The following LUC7L2 variants were observed in gnomAD, a reference collection of about 807,000 sequenced individuals.
The protein encoded by LUC7L2 is LUC7 like 2, pre-mRNA splicing factor, also known as putative RNA-binding protein Luc7-like 2.
A neutral mutation model predicts 52.8 loss-of-function variants in LUC7L2; 25 were observed. The observed-to-expected ratio is 0.47, with a 90% CI of 0.34 to 0.66. The LOEUF is 0.66. Ranked by LOEUF, LUC7L2 falls within the 30% of genes least tolerant of loss-of-function variation. LUC7L2 has a pLI of 0.01. For synonymous variants in LUC7L2, 144 were observed against 160.9 expected (o/e 0.89, Z 0.80); for missense variants, 328 against 497.8 (o/e 0.66, Z 3.25).
chr7:139,401,754 CTTT>C (rs58559406), intron 3 of LUC7L2, among the ~76,000 whole-genome samples: 18 of 135,914 alleles, frequency 1.3e-4, no homozygotes, highest in Admixed American at 1.5e-4. Context: ...CGCCCAGCTT[CTTT>C]TTTTTTTTTT....
chr7:139,382,342 G>A (rs181321214), intron 2 of LUC7L2, among the ~76,000 whole-genome samples: 5 of 152,110 alleles, frequency 3.3e-5, no homozygotes, highest in Admixed American at 2.0e-4. Flanking sequence ...TGATATTGTC[G>A]TAGTCAATAT....
intron 1 of LUC7L2, among the ~76,000 whole-genome samples, chr7:139,371,960 G>A (rs1166356673): frequency 6.6e-6 from 1 of 152,178 alleles, no homozygotes; most frequent in Non-Finnish European, 1.5e-5. Flanking sequence ...TCATGAAGGT[G>A]TTGAACAAAA....
At chr7:139,369,376 C>T (rs1253291193) in intron 1 of LUC7L2, among the ~76,000 whole-genome samples, 1 of 152,138 alleles carries the variant, frequency 6.6e-6, no homozygotes, top group Non-Finnish European at 1.5e-5. Flanking sequence ...TCTGATGTCT[C>T]TTGTAAATTT....
At chr7:139,402,367 A>G (rs1794951398) in intron 4 of LUC7L2, 120 bp downstream of exon 4, 1 of 1,000,122 alleles carries the variant, frequency 1.0e-6, no homozygotes, top group Non-Finnish European at 1.4e-6. Flanking sequence ...GGAATTCTGT[A>G]TACTTTCTTG....
chr7:139,367,785 C>A (rs1260391402), intron 1 of LUC7L2, among the ~76,000 whole-genome samples: 1 of 152,172 alleles, frequency 6.6e-6, no homozygotes, highest in Non-Finnish European at 1.5e-5. Flanking sequence ...GATGAAATTA[C>A]CTCATTTAGC....
upstream of LUC7L2, among the ~76,000 whole-genome samples, chr7:139,358,799 C>G (rs981854623): frequency 6.6e-6 from 1 of 152,144 alleles, no homozygotes; most frequent in Admixed American, 6.5e-5. Context: ...ATTCTCCTGC[C>G]TCAGCCTCCC....
intron 1 of LUC7L2, chr7:139,375,634 A>G: frequency 1.0e-6 from 1 of 981,942 alleles, no homozygotes; most frequent in Non-Finnish European, 1.2e-6. Context: ...TACTGTAAAT[A>G]AAAATATATC....
At chr7:139,419,753 C>A (rs1230109170) in intron 9 of LUC7L2, among the ~76,000 whole-genome samples, 1 of 152,152 alleles carries the variant, frequency 6.6e-6, no homozygotes, top group Non-Finnish European at 1.5e-5. Context: ...ATACATGATA[C>A]ATGATCATAT....
At chr7:139,370,085 T>C (rs1321601526) in intron 1 of LUC7L2, among the ~76,000 whole-genome samples, 2 of 152,216 alleles carry the variant, frequency 1.3e-5, no homozygotes, top group Admixed American at 1.3e-4. Flanking sequence ...TTTACATAGA[T>C]CAAGACATAT....
chr7:139,379,057 A>C (rs575902797), intron 2 of LUC7L2, among the ~76,000 whole-genome samples: 131 of 152,302 alleles, frequency 8.6e-4, no homozygotes, highest in Non-Finnish European at 1.8e-3. Flanking sequence ...GGGTTTCACC[A>C]TGTTGGTCGG....
Position 139,360,184 on chromosome 7 carries a change from T to A in LUC7L2, c.-78T>A. 3 of 1,068,578 alleles carry A rather than the reference T, an allele frequency of 2.8e-6. No individual in the cohort carries two copies. The highest frequency in any genetic ancestry group is 4.1e-6 in the Non-Finnish European group (3 of 738,442). 66.2% of individuals were successfully genotyped at this position (1,068,578 alleles called of 1,614,324 possible). A position where few individuals can be genotyped will look rare whatever the true frequency, so the allele number is the denominator to read the frequency against. On this transcript the variant is annotated 5_prime_UTR_variant, in exon 1 of 10. Coordinates refer to ENST00000354926, the MANE Select transcript of LUC7L2 (RefSeq NM_016019.5). ...CGAGACAGCAGCGCACCTTCCCCCA[T>A]CCCTTCCCCTTATCCCCCAGCCCAA...
intron 8 of LUC7L2, among the ~76,000 whole-genome samples, chr7:139,414,722 ATC>A (rs2116312824): frequency 6.6e-6 from 1 of 152,208 alleles, no homozygotes; most frequent in East Asian, 1.9e-4. Context: ...GGGACTTTGC[ATC>A]TGTGTTCCCT....
At chr7:139,360,470 A>G in intron 1 of LUC7L2, 148 bp downstream of exon 1, 1 of 683,914 alleles carries the variant, frequency 1.5e-6, no homozygotes, top group Non-Finnish European at 2.4e-6. Context: ...CGTCCCATCC[A>G]ATCAGGGCTC....
chr7:139,351,963 G>C (rs930265716), intron 1 of LUC7L2, among the ~76,000 whole-genome samples: 2 of 152,156 alleles, frequency 1.3e-5, no homozygotes, highest in Non-Finnish European at 2.9e-5. Context: ...GGGAGGCCTG[G>C]ATGGGAGGAC....
At chr7:139,393,088 G>A (rs1289181692) in intron 2 of LUC7L2, among the ~76,000 whole-genome samples, 1 of 151,962 alleles carries the variant, frequency 6.6e-6, no homozygotes, top group East Asian at 1.9e-4. Flanking sequence ...CCAACATGAT[G>A]AAACCCCAAC....
Position 139,341,395 on chromosome 7 carries a change from T to C in LUC7L2, c.-26+878T>C, listed in dbSNP as rs1231702484. 3 of 1,613,038 alleles carry C rather than the reference T, an allele frequency of 1.9e-6. No individual in the cohort carries two copies. The East Asian group carries it at 6.7e-5, about 36-fold the overall frequency. On this transcript the variant is annotated intron_variant, in intron 1 of 10. Transcript: ENST00000541170. Reference sequence around the variant, plus strand: ...GAGAAGGACAGGACAATGGCGGCCTTAGGGTCCCCGTCGCACACTTTTCGA... The same window carrying C: ...GAGAAGGACAGGACAATGGCGGCCTCAGGGTCCCCGTCGCACACTTTTCGA...
At chr7:139,389,799 A>G (rs1186451886) in intron 2 of LUC7L2, among the ~76,000 whole-genome samples, 1 of 152,192 alleles carries the variant, frequency 6.6e-6, no homozygotes, top group Non-Finnish European at 1.5e-5. Flanking sequence ...TTCCTCCCTC[A>G]TTGAGCTTAT....
intron 1 of LUC7L2, chr7:139,371,312 T>G (rs1800438249): frequency 2.8e-6 from 2 of 709,420 alleles, no homozygotes; most frequent in African/African-American, 1.8e-5. Flanking sequence ...CTGCATACCA[T>G]TAAATATGTC....
intron 3 of LUC7L2, among the ~76,000 whole-genome samples, chr7:139,399,569 A>T (rs1490147101): frequency 1.4e-5 from 2 of 141,494 alleles, no homozygotes; most frequent in Non-Finnish European, 3.0e-5. Context: ...TCCCGGGTTC[A>T]TGCTGTTCTG....
Sources: gnomAD v4.1 joint callset for allele counts (sites outside exome capture counted in the v4.1 genomes callset) on GRCh38, gnomAD v4.1.1 for gene constraint, MANE v1.5 for transcripts, NCBI Gene and HGNC (gene_info 2026-07-23, HGNC 2026-07-21) for gene names.